The following SCFD2 variants were observed in gnomAD, a reference collection of about 807,000 sequenced individuals.
SCFD2 encodes the protein sec1 family domain containing 2, also known as sec1 family domain-containing protein 2.
In SCFD2, 54 loss-of-function variants were observed where a neutral mutation model predicts 58.9. The observed-to-expected ratio is 0.92, with a 90% CI of 0.74 to 1.15. SCFD2 has a LOEUF of 1.15. SCFD2 is among the 50% of genes most tolerant of loss of function. The pLI, the probability that SCFD2 is intolerant of heterozygous loss-of-function variation, is 0.00. For missense variants in SCFD2, 805 were observed against 836.6 expected (o/e 0.96, Z 0.47); for synonymous variants, 321 against 335.9 (o/e 0.96, Z 0.49).
At chr4:53,286,650 G>C (rs1309578721) in intron 3 of SCFD2, among the ~76,000 whole-genome samples, 1 of 152,172 alleles carries the variant, frequency 6.6e-6, no homozygotes, top group Non-Finnish European at 1.5e-5. Flanking sequence ...CCTGTTCCAA[G>C]GGAAACAGAG....
intron 5 of SCFD2, among the ~76,000 whole-genome samples, chr4:52,935,335 TAAC>T (rs962026842): frequency 6.6e-6 from 1 of 152,202 alleles, no homozygotes; most frequent in Admixed American, 6.5e-5. Context: ...AGTGTTTAAT[TAAC>T]AACAACAACA....
At chr4:53,236,583 T>C (rs531636552) in intron 4 of SCFD2, among the ~76,000 whole-genome samples, 5 of 150,578 alleles carry the variant, frequency 3.3e-5, no homozygotes, top group Admixed American at 6.6e-5. Context: ...ACTTTGAGTA[T>C]ATTGTTCTAA....
At chr4:53,158,806 A>G (rs1205226518) in intron 4 of SCFD2, among the ~76,000 whole-genome samples, 1 of 152,206 alleles carries the variant, frequency 6.6e-6, no homozygotes, top group Non-Finnish European at 1.5e-5. Flanking sequence ...GACAGATTAC[A>G]ATTAAACTTT....
At chr4:53,291,683 G>A (rs997604105) in intron 3 of SCFD2, among the ~76,000 whole-genome samples, 1 of 150,388 alleles carries the variant, frequency 6.6e-6, no homozygotes, top group Non-Finnish European at 1.5e-5. Flanking sequence ...ACAATCTTAA[G>A]CAAAAAGAAC....
intron 2 of SCFD2, among the ~76,000 whole-genome samples, chr4:53,329,986 A>G (rs950139731): frequency 7.9e-5 from 12 of 152,042 alleles, no homozygotes; most frequent in Middle Eastern, 3.4e-3. Flanking sequence ...ACTGGAAGAA[A>G]GGGTATCAGC....
rs181293185 is a variant in SCFD2 at position 53,177,826 on chromosome 4, G to A, written c.1312-32244C>T. Among the ~76,000 whole-genome samples, 21 of 152,322 alleles carry A rather than the reference G, an allele frequency of 1.4e-4. No individual in the cohort carries two copies. The East Asian group carries it at 3.7e-3, about 27-fold the overall frequency. On this transcript the variant is annotated intron_variant, in intron 4 of 8. Coordinates refer to ENST00000401642, the MANE Select transcript of SCFD2 (RefSeq NM_152540.4). ...CCCTAATACTGCACTTTTCTGATGG[G>A]CTTAAAAAATGGCACACCAGGAGAT...
intron 5 of SCFD2, among the ~76,000 whole-genome samples, chr4:53,139,547 T>G: frequency 6.7e-6 from 1 of 149,398 alleles, no homozygotes; most frequent in Non-Finnish European, 1.5e-5. Context: ...GTCTGGGAAG[T>G]GAGGAGCCCC....
rs1313711532 is a variant in SCFD2, at chr4:53,352,738, T to TA, written c.866dup (p.Leu289PhefsTer18). The TA allele has an allele frequency of 6.2e-7, 1 of 1,614,016 alleles. No individual in the cohort carries two copies. Among genetic ancestry groups the TA allele is most frequent in the Non-Finnish European group, 8.5e-7 (1 of 1,180,002 alleles). On this transcript the variant is annotated frameshift_variant, in exon 2 of 9. Coordinates refer to ENST00000401642, the MANE Select transcript of SCFD2 (RefSeq NM_152540.4). LOFTEE classifies it high-confidence loss of function. ...GAAGTGCTGAAATGATCTTCTCTAC[T>TA]AAGTTGTCTCCATGATGTCCAACTG...
intron 5 of SCFD2, among the ~76,000 whole-genome samples, chr4:52,936,303 G>C (rs534585556): frequency 1.3e-5 from 2 of 152,158 alleles, no homozygotes; most frequent in African/African-American, 4.8e-5. Context: ...TCATCCTCCT[G>C]TCCTTGATGC....
intron 2 of SCFD2, among the ~76,000 whole-genome samples, chr4:53,348,161 A>T (rs1734110375): frequency 6.6e-6 from 1 of 152,250 alleles, no homozygotes; most frequent in African/African-American, 2.4e-5. Context: ...TTGCATTGGC[A>T]GTAACTTCAA....
intron 4 of SCFD2, among the ~76,000 whole-genome samples, chr4:53,234,351 C>T (rs147336260): frequency 5.6e-4 from 85 of 152,238 alleles, no homozygotes; most frequent in African/African-American, 2.0e-3. Flanking sequence ...AGGAGCTTCC[C>T]TGGAGAGGAG....
chr4:52,915,449 T>C lies in SCFD2; in HGVS notation c.1707+5276A>G, dbSNP rs1178122577. 2.0e-5 allele frequency among the ~76,000 whole-genome samples: 3 copies of C among 152,336 alleles called. No homozygotes were observed. In the East Asian group the frequency reaches 5.8e-4, roughly 29 times the overall value. On this transcript the variant is annotated intron_variant, in intron 6 of 8. Coordinates refer to ENST00000401642, the MANE Select transcript of SCFD2 (RefSeq NM_152540.4). ...GCACAGAAAAACATCTGTTCAAAAT[T>C]GCTCATGGCTTTGACTAATCCATGG...
At chr4:52,922,900 T>C (rs1175773453) in intron 5 of SCFD2, among the ~76,000 whole-genome samples, 1 of 152,232 alleles carries the variant, frequency 6.6e-6, no homozygotes, top group Non-Finnish European at 1.5e-5. Flanking sequence ...ATTATAGCTA[T>C]CCTAGTAGAT....
intron 5 of SCFD2, among the ~76,000 whole-genome samples, chr4:53,012,000 G>T (rs1722102847): frequency 1.5e-5 from 1 of 67,510 alleles, no homozygotes; most frequent in African/African-American, 5.3e-5. Flanking sequence ...CAGGTTTTAG[G>T]CTTTTTTTTT....
chr4:53,346,810 T>C (rs1363200509), intron 2 of SCFD2, among the ~76,000 whole-genome samples: 1 of 152,220 alleles, frequency 6.6e-6, no homozygotes, highest in Non-Finnish European at 1.5e-5. Context: ...AGAAGCTTTG[T>C]AGAGGTTCCA....
At chr4:53,097,335 T>C (rs1460561870) in intron 5 of SCFD2, among the ~76,000 whole-genome samples, 2 of 152,232 alleles carry the variant, frequency 1.3e-5, no homozygotes, top group African/African-American at 4.8e-5. Context: ...TATTGATTCT[T>C]GCTATCCATG....
intron 2 of SCFD2, among the ~76,000 whole-genome samples, chr4:53,323,979 A>G (rs776723705): frequency 2.2e-4 from 33 of 152,258 alleles, no homozygotes; most frequent in Admixed American, 5.9e-4. Context: ...AACCCCAAAT[A>G]AAGGGATAAC....
chr4:53,069,340 T>C (rs1295731356), intron 5 of SCFD2, among the ~76,000 whole-genome samples: 5 of 152,090 alleles, frequency 3.3e-5, no homozygotes, highest in Non-Finnish European at 7.4e-5. Context: ...TTCAGGAGAC[T>C]GCAATTCTAA....
intron 3 of SCFD2, among the ~76,000 whole-genome samples, chr4:53,295,884 A>G (rs1342864804): frequency 6.6e-6 from 1 of 152,198 alleles, no homozygotes; most frequent in Non-Finnish European, 1.5e-5. Context: ...TTCTGCATCT[A>G]TTGAGATAAT....
Sources: gnomAD v4.1 joint callset for allele counts (sites outside exome capture counted in the v4.1 genomes callset) on GRCh38, gnomAD v4.1.1 for gene constraint, MANE v1.5 for transcripts, NCBI Gene and HGNC (gene_info 2026-07-23, HGNC 2026-07-21) for gene names.